The following CHD3 variants were observed in gnomAD, a reference collection of about 807,000 sequenced individuals.
CHD3 encodes the protein ATP-dependent chromatin remodeler CHD3.
A neutral mutation model predicts 248.9 loss-of-function variants in CHD3; 52 were observed. That is an observed-to-expected ratio of 0.21 (90% CI 0.17 to 0.26). The LOEUF (loss-of-function observed/expected upper bound fraction) is 0.26, where lower values mean the gene tolerates loss of function less well. Ranked by LOEUF, CHD3 falls within the 10% of genes least tolerant of loss-of-function variation. The pLI is 1.00. For synonymous variants in CHD3, 985 were observed against 985.2 expected (o/e 1.00, Z 0.00); for missense variants, 1,482 against 2,605.8 (o/e 0.57, Z 9.39).
chr17:7,893,678 C>G (rs1290308254), intron 5 of CHD3, 109 bp downstream of exon 5: 1 of 1,527,816 alleles, frequency 6.5e-7, no homozygotes. Context: ...AGGAGAGATG[C>G]TTTCCAGGAA....
chr17:7,901,531 A>ATT (rs1970316920), intron 20 of CHD3, among the ~76,000 whole-genome samples, 156 bp downstream of exon 20: 2 of 123,696 alleles, frequency 1.6e-5, no homozygotes, highest in South Asian at 2.7e-4. Flanking sequence ...TTTTTTTGAG[A>ATT]CAGAGTTTCG....
rs200472460 is a variant in CHD3, at chr17:7,906,709, C to T, written c.4503+12C>T. ...TCGTCAAAAAGAAGGTATCAGTCTTCCTGTCACCCAAAGAATCAAGCTGGC... is the reference window on the plus strand; with the variant it reads ...TCGTCAAAAAGAAGGTATCAGTCTTTCTGTCACCCAAAGAATCAAGCTGGC... On this transcript the variant is annotated intron_variant, in intron 29 of 39. Coordinates refer to ENST00000330494, the MANE Select transcript of CHD3 (RefSeq NM_001005273.3). The surrounding 1 kb of genome is among the most constrained non-coding windows in gnomAD (Gnocchi z 5.0). 1.3e-5 allele frequency: 21 copies of T among 1,594,828 alleles called. No homozygotes were observed. The African/African-American group carries it at 1.9e-4, about 14-fold the overall frequency.
In CHD3 at chr17:7,902,593, C is replaced by G. The variant is rs1050145491; in HGVS notation, c.3253-17C>G. Reference sequence around the variant, plus strand: ...CCACCTCATTATTGCAGACTCCATCCTTTTCTCTTGCTCTAGATGACCAAA... The same window carrying G: ...CCACCTCATTATTGCAGACTCCATCGTTTTCTCTTGCTCTAGATGACCAAA... On this transcript the variant is annotated splice_polypyrimidine_tract_variant and intron_variant, in intron 20 of 39. Transcript: ENST00000330494. 2 of 1,555,116 alleles carry G rather than the reference C, an allele frequency of 1.3e-6. No individual in the cohort carries two copies. The highest frequency in any genetic ancestry group is 2.2e-5 in the South Asian group (2 of 89,632).
Position 7,904,209 on chromosome 17 carries a change from A to G in CHD3, c.3894+218A>G, listed in dbSNP as rs1970643247. 1.6e-6 allele frequency: 1 copy of G among 622,924 alleles called. No individual in the cohort carries two copies. Among genetic ancestry groups the G allele is most frequent in the East Asian group, 2.7e-5 (1 of 36,404 alleles). The allele number at this position is 622,924 out of a possible 1,614,324, so 38.6% of individuals were successfully genotyped here. The stretch of plus-strand genomic sequence containing the variant: ...AGGGTACCTTCTGAGACAGTGCAGG[A>G]GAAACACTGTCAGAGGGATTAGAGG... On this transcript the variant is annotated intron_variant, in intron 24 of 39. Transcript: ENST00000330494. The surrounding 1 kb of genome is among the most constrained non-coding windows in gnomAD (Gnocchi z 4.4).
Position 7,889,458 on chromosome 17 carries a change from C to G in CHD3, c.101-206C>G, listed in dbSNP as rs891893595. ...GGAGTGGTTTGGCTGCTCTTCTCTTCTGACCCCTGACCTCCCATTCAGAAC... is the reference window on the plus strand; with the variant it reads ...GGAGTGGTTTGGCTGCTCTTCTCTTGTGACCCCTGACCTCCCATTCAGAAC... On this transcript the variant is annotated intron_variant, in intron 1 of 39. Coordinates refer to ENST00000330494, the MANE Select transcript of CHD3 (RefSeq NM_001005273.3). The surrounding 1 kb of genome is among the most constrained non-coding windows in gnomAD (Gnocchi z 4.5). Among the ~76,000 whole-genome samples, 1 of 152,238 alleles carries G rather than the reference C, an allele frequency of 6.6e-6. No homozygotes were observed. The highest frequency in any genetic ancestry group is 2.4e-5 in the African/African-American group (1 of 41,468).
chr17:7,897,322 A>T lies in CHD3; in HGVS notation c.1919+28A>T, dbSNP rs1430494813. On this transcript the variant is annotated intron_variant, in intron 11 of 39. Transcript: ENST00000330494. The surrounding 1 kb of genome is among the most constrained non-coding windows in gnomAD (Gnocchi z 4.8). The stretch of plus-strand genomic sequence containing the variant: ...GAATCCTCGGTCCCTGGGAAGTCAG[A>T]CCTGGTATATGACATTATTCTTACC... 1 of 1,576,752 alleles carries T rather than the reference A, an allele frequency of 6.3e-7. No homozygotes were observed. Among genetic ancestry groups the T allele is most frequent in the South Asian group, 1.1e-5 (1 of 90,320 alleles).
At position 7,905,919 on chromosome 17, in the gene CHD3, C is replaced by T. The variant is rs1201946201; in HGVS notation, c.4288C>T (p.Pro1430Ser). Residue 1430 changes from proline to serine, a missense_variant, in exon 28 of 40, where the codon CCA becomes TCA. By Grantham distance (74) the Pro-to-Ser change is moderately conservative. Coordinates refer to ENST00000330494, the MANE Select transcript of CHD3 (RefSeq NM_001005273.3). This position sits in a 1 kb window ranked among gnomAD's most constrained non-coding sequence, Gnocchi z 5.8. ...CAATGCTGTGATGCGCTGGGGGATG[C>T]CACCACAGGATGCCTTCACCACACA... is the stretch of plus-strand genomic sequence containing the variant. ...FLNAVMRWGM[P>S]PQDAFTTQWL... 2 of 1,614,026 alleles carry T rather than the reference C, an allele frequency of 1.2e-6. No homozygotes were observed. Among genetic ancestry groups the T allele is most frequent in the Non-Finnish European group, 1.7e-6 (2 of 1,180,004 alleles).
intron 4 of CHD3, among the ~76,000 whole-genome samples, chr17:7,891,290 A>G (rs1409964077): frequency 6.6e-6 from 1 of 152,216 alleles, no homozygotes; most frequent in Non-Finnish European, 1.5e-5. Flanking sequence ...GGCCATCATG[A>G]TTCCAGTGCT....
intron 8 of CHD3, 93 bp downstream of exon 8, chr17:7,894,701 G>A: frequency 7.1e-7 from 1 of 1,415,114 alleles, no homozygotes; most frequent in Admixed American, 2.0e-5. Context: ...CCCCCAGATG[G>A]CTGGACTTCT....
At position 7,894,542 on chromosome 17, in the gene CHD3, C is replaced by T; in HGVS notation, c.1203C>T (p.Tyr401=). 6.2e-7 allele frequency: 1 copy of T among 1,614,096 alleles called. No individual in the cohort carries two copies. The highest frequency in any genetic ancestry group is 8.5e-7 in the Non-Finnish European group (1 of 1,180,014). ...IILCDTCPRA[Y]HLVCLDPELD... ...TGTGTGACACCTGCCCTCGTGCCTA[C>T]CACCTCGTCTGCCTTGATCCTGAGC... Residue 401 remains tyrosine (Y), a synonymous_variant, in exon 8 of 40, where the codon TAC becomes TAT. Coordinates refer to ENST00000330494, the MANE Select transcript of CHD3 (RefSeq NM_001005273.3).
In CHD3 at chr17:7,897,455, A is replaced by G. The variant is rs976359398; in HGVS notation, c.1919+161A>G. Reference sequence around the variant, plus strand: ...TTCTGGCCTTGTTTCCTCCAGGGGAACGGGAGAAAACAGGAGGAAAATCCG... The same window carrying G: ...TTCTGGCCTTGTTTCCTCCAGGGGAGCGGGAGAAAACAGGAGGAAAATCCG... On this transcript the variant is annotated intron_variant, in intron 11 of 39. Coordinates refer to ENST00000330494, the MANE Select transcript of CHD3 (RefSeq NM_001005273.3). This position sits in a 1 kb window ranked among gnomAD's most constrained non-coding sequence, Gnocchi z 4.8. Among the ~76,000 whole-genome samples the G allele has an allele frequency of 1.3e-5, 2 of 152,188 alleles. No homozygotes were observed. The highest frequency in any genetic ancestry group is 4.8e-5 in the African/African-American group (2 of 41,428).
At position 7,906,130 on chromosome 17, in the gene CHD3, T is replaced by C; in HGVS notation, c.4358+141T>C. 2 of 1,327,478 alleles carry C rather than the reference T, an allele frequency of 1.5e-6. No individual in the cohort carries two copies. Among genetic ancestry groups the C allele is most frequent in the Non-Finnish European group, 2.1e-6 (2 of 932,214 alleles). 82.2% of individuals were successfully genotyped at this position (1,327,478 alleles called of 1,614,324 possible). ...TGTCATACAATACTTCCTGGCTCGA[T>C]TTCCTGGGGGGTGGTCTCAGCCCAC... On this transcript the variant is annotated intron_variant, in intron 28 of 39. Coordinates refer to ENST00000330494, the MANE Select transcript of CHD3 (RefSeq NM_001005273.3). This position sits in a 1 kb window ranked among gnomAD's most constrained non-coding sequence, Gnocchi z 5.0.
At chr17:7,885,620 A>G (rs1347720856), upstream of CHD3, among the ~76,000 whole-genome samples, 1 of 151,384 alleles carries the variant, frequency 6.6e-6, no homozygotes, top group African/African-American at 2.4e-5. Context: ...GGTTGGACCG[A>G]GGGAGAGTGG....
Position 7,902,644 on chromosome 17 carries a change from T to TA in CHD3, c.3288dup (p.Asp1097ArgfsTer3), listed in dbSNP as rs1425539610. 1 of 1,613,950 alleles carries TA rather than the reference T, an allele frequency of 6.2e-7. No homozygotes were observed. Among genetic ancestry groups the TA allele is most frequent in the Admixed American group, 1.7e-5 (1 of 60,008 alleles). The stretch of plus-strand genomic sequence containing the variant: ...ATGTTAGACTTGCTTGAGGACTTCT[T>TA]AGACTATGAAGGCTACAAGTATGAG... On this transcript the variant is annotated frameshift_variant, in exon 21 of 40. Transcript: ENST00000330494. LOFTEE classifies it high-confidence loss of function.
Position 7,900,743 on chromosome 17 carries a change from G to A in CHD3, c.2978+12G>A. Reference sequence around the variant, plus strand: ...AGCCCCATGCAGAAGTAAGATGCAAGACGAGCTGCCTGGAGTAGGGCTTGG... The same window carrying A: ...AGCCCCATGCAGAAGTAAGATGCAAAACGAGCTGCCTGGAGTAGGGCTTGG... On this transcript the variant is annotated intron_variant, in intron 18 of 39. Coordinates refer to ENST00000330494, the MANE Select transcript of CHD3 (RefSeq NM_001005273.3). The surrounding 1 kb of genome is among the most constrained non-coding windows in gnomAD (Gnocchi z 6.5). The A allele has an allele frequency of 6.2e-7, 1 of 1,610,900 alleles. No individual in the cohort carries two copies. The highest frequency in any genetic ancestry group is 1.7e-5 in the Admixed American group (1 of 59,956).
At chr17:7,887,798 G>A (rs1968201035), upstream of CHD3, among the ~76,000 whole-genome samples, 1 of 152,226 alleles carries the variant, frequency 6.6e-6, no homozygotes, top group Non-Finnish European at 1.5e-5. Context: ...GGGGATGTGG[G>A]AGAGTCTGGG....
In CHD3 at chr17:7,895,232, T is replaced by C. The variant is rs763559902; in HGVS notation, c.1503+82T>C. 4.6e-5 allele frequency: 73 copies of C among 1,583,256 alleles called. No individual in the cohort carries two copies. The highest frequency in any genetic ancestry group is 1.7e-4 in the Middle Eastern group (1 of 5,898). On this transcript the variant is annotated intron_variant, in intron 9 of 39. Transcript: ENST00000330494. The surrounding 1 kb of genome is among the most constrained non-coding windows in gnomAD (Gnocchi z 4.9). ...CCCTGGGGCCCACATGTCCAGCTTT[T>C]CATTTCTCTGCACTCCCCCACCCTT...
Position 7,900,459 on chromosome 17 carries a change from A to G in CHD3, c.2804+48A>G. 1 of 1,613,528 alleles carries G rather than the reference A, an allele frequency of 6.2e-7. No homozygotes were observed. Among genetic ancestry groups the G allele is most frequent in the Non-Finnish European group, 8.5e-7 (1 of 1,179,638 alleles). The stretch of plus-strand genomic sequence containing the variant: ...TTGGCAGAGATGAGAGGTGGAGCAG[A>G]TAAAATGAGCTGGTAGAGGATTAAT... On this transcript the variant is annotated intron_variant, in intron 17 of 39. Transcript: ENST00000330494. This position sits in a 1 kb window ranked among gnomAD's most constrained non-coding sequence, Gnocchi z 6.5.
upstream of CHD3, among the ~76,000 whole-genome samples, chr17:7,885,714 C>T (rs1270520300): frequency 6.6e-6 from 1 of 152,136 alleles, no homozygotes; most frequent in Non-Finnish European, 1.5e-5. Context: ...GTCCATCGGA[C>T]CCCCCTCCAC....
Sources: gnomAD v4.1 joint callset for allele counts (sites outside exome capture counted in the v4.1 genomes callset) on GRCh38, gnomAD v4.1.1 for gene constraint, Gnocchi (gnomAD v3.1) non-coding constraint, MANE v1.5 for transcripts, NCBI Gene and HGNC (gene_info 2026-07-23, HGNC 2026-07-21) for gene names.